RPAP3: variants seen among roughly 807,000 people sequenced by gnomAD.
The protein encoded by RPAP3 is RNA polymerase II-associated protein 3.
RPAP3 carries 58 observed loss-of-function variants against 88.8 expected under a neutral mutation model. The ratio of observed to expected loss-of-function variants is 0.65; its 90% CI spans 0.53 to 0.81. The LOEUF (loss-of-function observed/expected upper bound fraction) is 0.81. Ranked by LOEUF, RPAP3 falls within the 40% of genes least tolerant of loss-of-function variation. RPAP3 has a pLI of 0.00. For missense variants in RPAP3, 751 were observed against 764.3 expected (o/e 0.98, Z 0.20); for synonymous variants, 255 against 259.9 (o/e 0.98, Z 0.18).
At chr12:47,694,004 C>G (rs1251467005) in intron 5 of RPAP3, among the ~76,000 whole-genome samples, 1 of 152,202 alleles carries the variant, frequency 6.6e-6, no homozygotes, top group African/African-American at 2.4e-5. Context: ...ATGATTCTCT[C>G]CAGACTGATT....
At chr12:47,679,170 T>A (rs1282000328) in intron 12 of RPAP3, among the ~76,000 whole-genome samples, 1 of 152,160 alleles carries the variant, frequency 6.6e-6, no homozygotes, top group Non-Finnish European at 1.5e-5. Flanking sequence ...ACACCGCATG[T>A]TCTCACTCAT....
At chr12:47,695,108 A>G (rs1420177371) in intron 5 of RPAP3, among the ~76,000 whole-genome samples, 1 of 152,110 alleles carries the variant, frequency 6.6e-6, no homozygotes, top group African/African-American at 2.4e-5. Context: ...AGAAAGAGGG[A>G]CAGAAGGAGG....
intron 12 of RPAP3, 83 bp from the exon 13 acceptor site, chr12:47,670,428 T>C (rs1938972614): frequency 9.5e-6 from 7 of 735,854 alleles, no homozygotes; most frequent in South Asian, 5.5e-5. Flanking sequence ...GCTGCAATGA[T>C]CTTACAGCTA....
intron 12 of RPAP3, among the ~76,000 whole-genome samples, chr12:47,676,831 A>G (rs1371766605): frequency 1.3e-5 from 2 of 152,226 alleles, no homozygotes; most frequent in African/African-American, 4.8e-5. Context: ...AGCTGGTACC[A>G]TTCCTCCTGA....
chr12:47,695,891 G>C (rs552343624), intron 5 of RPAP3: 1 of 153,952 alleles, frequency 6.5e-6, no homozygotes, highest in South Asian at 2.1e-4. Flanking sequence ...AACAAATGTT[G>C]AAACATATTT....
chr12:47,696,135 G>A, intron 5 of RPAP3, 141 bp downstream of exon 5: 1 of 641,866 alleles, frequency 1.6e-6, no homozygotes, highest in South Asian at 5.5e-5. Flanking sequence ...AAAAAGGAGT[G>A]AGCTATAAGA....
chr12:47,678,950 G>A (rs1031022154), intron 12 of RPAP3, among the ~76,000 whole-genome samples: 8 of 152,102 alleles, frequency 5.3e-5, no homozygotes, highest in African/African-American at 1.9e-4. Flanking sequence ...ACATGCACAC[G>A]TATGTTTACT....
Position 47,663,453 on chromosome 12 carries a change from G to T in RPAP3, c.*52C>A. 1.7e-6 allele frequency: 2 copies of T among 1,211,030 alleles called. No individual in the cohort carries two copies. Among genetic ancestry groups the T allele is most frequent in the South Asian group, 1.3e-5 (1 of 75,940 alleles). The allele number at this position is 1,211,030 out of a possible 1,614,324, so 75.0% of individuals were successfully genotyped here. A position where few individuals can be genotyped will look rare whatever the true frequency, so the allele number is the denominator to read the frequency against. ...CTTAAAAAGCAAAACACTTTCAGTA[G>T]AAAAAATTTACATATGAAAGTCAAA... is the stretch of plus-strand genomic sequence containing the variant. On this transcript the variant is annotated 3_prime_UTR_variant, in exon 17 of 17. Coordinates refer to ENST00000005386, the MANE Select transcript of RPAP3 (RefSeq NM_024604.3).
chr12:47,672,194 C>A (rs1592469857), intron 12 of RPAP3, among the ~76,000 whole-genome samples: 1 of 152,206 alleles, frequency 6.6e-6, no homozygotes, highest in Non-Finnish European at 1.5e-5. Context: ...CCCAAGTTCA[C>A]CTACATCTCT....
In RPAP3 at chr12:47,683,094, G is replaced by C. The variant is rs563932700; in HGVS notation, c.993-1277C>G. On this transcript the variant is annotated intron_variant, in intron 9 of 16. Coordinates refer to ENST00000005386, the MANE Select transcript of RPAP3 (RefSeq NM_024604.3). ...CTCCCACGTCTTTGAACCTGCACTA[G>C]AACACTTGACCTGTTTCCTGTTTTT... is the stretch of plus-strand genomic sequence containing the variant. Among the ~76,000 whole-genome samples, 7 of 152,118 alleles carry C rather than the reference G, an allele frequency of 4.6e-5. No homozygotes were observed. The East Asian group carries it at 7.7e-4, about 17-fold the overall frequency.
chr12:47,686,627 A>C (rs888229426), intron 9 of RPAP3, among the ~76,000 whole-genome samples, 153 bp downstream of exon 9: 3 of 151,922 alleles, frequency 2.0e-5, no homozygotes, highest in African/African-American at 7.3e-5. Flanking sequence ...AAAATACATA[A>C]ATTAAATTTT....
At chr12:47,669,612 A>G (rs571865245) in intron 13 of RPAP3, among the ~76,000 whole-genome samples, 1 of 152,312 alleles carries the variant, frequency 6.6e-6, no homozygotes, top group East Asian at 1.9e-4. Context: ...ATATATGAGT[A>G]AGGTTTCCAT....
intron 13 of RPAP3, among the ~76,000 whole-genome samples, chr12:47,669,547 A>G (rs1295369567): frequency 6.6e-6 from 1 of 152,222 alleles, no homozygotes; most frequent in Non-Finnish European, 1.5e-5. Flanking sequence ...ACTAAAGTTC[A>G]AAGTTTAAAA....
chr12:47,690,904 A>T (rs1939415253), intron 5 of RPAP3, among the ~76,000 whole-genome samples: 1 of 152,242 alleles, frequency 6.6e-6, no homozygotes, highest in South Asian at 2.1e-4. Context: ...TCCAGTGCAT[A>T]CAAAAGTTTT....
Position 47,669,122 on chromosome 12 carries a change from T to G in RPAP3, c.1527-20A>C. On this transcript the variant is annotated intron_variant, in intron 13 of 16. Coordinates refer to ENST00000005386, the MANE Select transcript of RPAP3 (RefSeq NM_024604.3). ...TGAGGTCTGAAATATTTCAGAGGTA[T>G]CAAACAGAAAAGAACCATAAATAAT... is the stretch of plus-strand genomic sequence containing the variant. 1.3e-6 allele frequency: 2 copies of G among 1,578,654 alleles called. No individual in the cohort carries two copies. The highest frequency in any genetic ancestry group is 4.5e-5 in the East Asian group (2 of 44,542).
chr12:47,693,888 C>G (rs1939474560), intron 5 of RPAP3, among the ~76,000 whole-genome samples: 2 of 152,134 alleles, frequency 1.3e-5, no homozygotes, highest in South Asian at 4.1e-4. Flanking sequence ...CAAAGACCTA[C>G]CAAACACAGA....
chr12:47,673,523 T>G (rs1038875844), intron 12 of RPAP3, among the ~76,000 whole-genome samples: 2 of 151,840 alleles, frequency 1.3e-5, no homozygotes, highest in Non-Finnish European at 2.9e-5. Flanking sequence ...GAAATCTATT[T>G]GCTACTACTA....
At chr12:47,689,081 A>G (rs1592480815) in intron 7 of RPAP3, 44 bp downstream of exon 7, 1 of 850,128 alleles carries the variant, frequency 1.2e-6, no homozygotes, top group Non-Finnish European at 1.9e-6. Flanking sequence ...TTACTTCTTC[A>G]AATAAAGGTC....
chr12:47,701,571 T>C lies in RPAP3; in HGVS notation c.187A>G (p.Lys63Glu), dbSNP rs769034382. 2 of 1,594,254 alleles carry C rather than the reference T, an allele frequency of 1.3e-6. No homozygotes were observed. The highest frequency in any genetic ancestry group is 3.6e-5 in the Admixed American group (2 of 56,282). Reference protein sequence around the residue: ...LPPIRNGNFRKKKKGKAKESS... With the variant: ...LPPIRNGNFREKKKGKAKESS... ...TCTTTAGCTTTGCCTTTCTTCTTTTTCCTAAAATTCCCATTTCGAATAGGA... is the reference window on the plus strand; with the variant it reads ...TCTTTAGCTTTGCCTTTCTTCTTTTCCCTAAAATTCCCATTTCGAATAGGA... The change falls in exon 3 of 17, where the codon AAA becomes GAA. Residue 63 changes from lysine (K) to glutamate (E), a missense_variant. Transcript: ENST00000005386.
Sources: allele counts gnomAD v4.1 joint callset (sites outside exome capture counted in the v4.1 genomes callset), GRCh38; gene constraint gnomAD v4.1.1; transcripts MANE v1.5; gene names NCBI Gene and HGNC (gene_info 2026-07-23, HGNC 2026-07-21).